Variants in TMCO5A observed in about 807,000 individuals in gnomAD.
TMCO5A encodes the protein transmembrane and coiled-coil domains 5A, also known as transmembrane and coiled-coil domain-containing protein 5A.
Under a neutral mutation model 42.3 loss-of-function variants are expected in TMCO5A, and 34 were observed. That is an observed-to-expected ratio of 0.80 (90% CI 0.61 to 1.07). TMCO5A has a LOEUF of 1.07. Ranked by LOEUF, TMCO5A falls within the 50% of genes least tolerant of loss-of-function variation. The pLI is 0.00. For missense variants in TMCO5A, 357 were observed against 327.9 expected, an observed-to-expected ratio of 1.09 and a Z score of -0.69; for synonymous variants, 131 against 115.6, an observed-to-expected ratio of 1.13 and a Z score of -0.86.
chr15:37,968,341 T>A (rs1190806613), downstream of TMCO5A, among the ~76,000 whole-genome samples: 2 of 152,108 alleles, frequency 1.3e-5, no homozygotes, highest in Non-Finnish European at 2.9e-5. Context: ...AAGTCTTACC[T>A]TCCAAAGACT....
At chr15:38,037,885 T>C in the TMCO5A span, among the ~76,000 whole-genome samples, 2 of 151,908 alleles carry the variant, frequency 1.3e-5, no homozygotes, top group Non-Finnish European at 2.9e-5. Flanking sequence ...TGGTGGCACA[T>C]GCCTGCAGTC....
chr15:37,941,197 C>T lies in TMCO5A; in HGVS notation c.436C>T (p.Leu146=), dbSNP rs1229829220. ...TTCCTATGCATGCCAAGAGAAGGAG[C>T]TGCTCAAGGTAACAGCAGGAACTTC... ...EASYACQEKE[L]LKVMKEYAFV... is the part of the protein sequence containing the mutation. The change falls in exon 7 of 12, where the codon CTG becomes TTG. Residue 146 remains leucine, a synonymous_variant. Transcript: ENST00000319669. 2 of 1,613,100 alleles carry T rather than the reference C, an allele frequency of 1.2e-6. No individual in the cohort carries two copies.
At chr15:37,956,541 G>C (rs530267019) in intron 11 of TMCO5A, 1 of 153,092 alleles carries the variant, frequency 6.5e-6, no homozygotes, top group Non-Finnish European at 1.5e-5. Context: ...ACTAAACCAG[G>C]ATGAAGTTGA....
the TMCO5A span, among the ~76,000 whole-genome samples, chr15:37,997,069 G>A: frequency 2.6e-5 from 4 of 152,170 alleles, no homozygotes; most frequent in Admixed American, 6.5e-5. Flanking sequence ...GGGGTGGCAC[G>A]TGAGGAGATG....
the TMCO5A span, among the ~76,000 whole-genome samples, chr15:38,022,971 T>C: frequency 7.9e-5 from 12 of 152,296 alleles, no homozygotes; most frequent in Admixed American, 6.5e-4. Context: ...CACTCAATTG[T>C]ATAAAATAAC....
At chr15:37,968,282 C>A (rs917313172), downstream of TMCO5A, among the ~76,000 whole-genome samples, 25 of 152,132 alleles carry the variant, frequency 1.6e-4, no homozygotes, top group Admixed American at 1.0e-3. Context: ...CCAGGATGCC[C>A]TTCAGGAAGT....
the TMCO5A span, among the ~76,000 whole-genome samples, chr15:38,001,490 T>G: frequency 6.6e-6 from 1 of 151,812 alleles, no homozygotes; most frequent in African/African-American, 2.4e-5. Context: ...GTTGGAGAGT[T>G]TAGTCCATTT....
At chr15:38,021,057 G>T in the TMCO5A span, among the ~76,000 whole-genome samples, 9 of 152,184 alleles carry the variant, frequency 5.9e-5, 1 homozygote, top group African/African-American at 1.9e-4. Context: ...AAATGTATTA[G>T]TAAACAAAAA....
intron 11 of TMCO5A, among the ~76,000 whole-genome samples, chr15:37,956,870 C>T (rs891662584): frequency 2.1e-4 from 32 of 152,140 alleles, no homozygotes; most frequent in African/African-American, 7.7e-4. Context: ...AATCCAGCAG[C>T]ATATCAAAAA....
chr15:37,976,391 A>C, the TMCO5A span, among the ~76,000 whole-genome samples: 11 of 152,178 alleles, frequency 7.2e-5, no homozygotes, highest in South Asian at 2.1e-4. Flanking sequence ...TCTTGGGGAT[A>C]GTCATCTTGT....
chr15:37,941,537 C>T lies in TMCO5A; in HGVS notation c.445-134C>T, dbSNP rs1254206552. 5 of 740,980 alleles carry T rather than the reference C, an allele frequency of 6.7e-6. No homozygotes were observed. In the East Asian group the frequency reaches 1.3e-4, roughly 19 times the overall value. 45.9% of individuals were successfully genotyped at this position (740,980 alleles called of 1,614,324 possible). A position where few individuals can be genotyped will look rare whatever the true frequency, so the allele number is the denominator to read the frequency against. On this transcript the variant is annotated intron_variant, in intron 7 of 11. Coordinates refer to ENST00000319669, the MANE Select transcript of TMCO5A (RefSeq NM_152453.4). ...AAAAAAGGAAATACATTTATCTGTA[C>T]AGCAAAAAAGAAAACATATTTAGAA...
At chr15:38,036,199 C>T in the TMCO5A span, among the ~76,000 whole-genome samples, 7 of 152,182 alleles carry the variant, frequency 4.6e-5, no homozygotes, top group Non-Finnish European at 2.9e-5. Context: ...GCTTCATACC[C>T]AGGTCTGCTA....
intron 11 of TMCO5A, among the ~76,000 whole-genome samples, chr15:37,957,105 C>T (rs929870851): frequency 1.3e-5 from 2 of 152,094 alleles, no homozygotes; most frequent in Non-Finnish European, 2.9e-5. Context: ...ATAATGAGAG[C>T]TATTTATGAC....
the TMCO5A span, among the ~76,000 whole-genome samples, chr15:38,005,296 C>T: frequency 6.4e-5 from 9 of 141,654 alleles, no homozygotes; most frequent in East Asian, 1.9e-3. Flanking sequence ...AAACACCAGA[C>T]TGAGCACAAT....
chr15:37,992,069 A>G, the TMCO5A span, among the ~76,000 whole-genome samples: 5 of 152,298 alleles, frequency 3.3e-5, no homozygotes, highest in Non-Finnish European at 7.4e-5. Context: ...AACAGCCTAC[A>G]GAATGGGAGA....
chr15:37,960,447 G>A (rs1040483805), intron 11 of TMCO5A, among the ~76,000 whole-genome samples: 1 of 152,118 alleles, frequency 6.6e-6, no homozygotes, highest in African/African-American at 2.4e-5. Context: ...TGGGCATTTG[G>A]GTTGGTTCCA....
At chr15:37,943,633 G>C in intron 10 of TMCO5A, 1 of 483,250 alleles carries the variant, frequency 2.1e-6, no homozygotes, top group Non-Finnish European at 3.7e-6. Flanking sequence ...AAAACTAGCC[G>C]AAGACCTAAG....
intron 10 of TMCO5A, among the ~76,000 whole-genome samples, 197 bp from the exon 11 acceptor site, chr15:37,947,459 T>G (rs1890004488): frequency 6.6e-6 from 1 of 151,992 alleles, no homozygotes; most frequent in South Asian, 2.1e-4. Flanking sequence ...TATAAATATG[T>G]AAAAAGGTAG....
the TMCO5A span, chr15:37,984,741 C>T: frequency 7.9e-6 from 1 of 125,878 alleles, no homozygotes; most frequent in African/African-American, 3.2e-5. Flanking sequence ...TGTGAGGACA[C>T]AGCAACAAGC....
Sources: gnomAD v4.1 joint callset for allele counts (sites outside exome capture counted in the v4.1 genomes callset) on GRCh38, gnomAD v4.1.1 for gene constraint, MANE v1.5 for transcripts, NCBI Gene and HGNC (gene_info 2026-07-23, HGNC 2026-07-21) for gene names.